FER: variants seen among roughly 807,000 people sequenced by gnomAD.
FER encodes the protein FER tyrosine kinase.
A neutral mutation model predicts 111.0 loss-of-function variants in FER; 63 were observed. That is an observed-to-expected ratio of 0.57 (90% CI 0.46 to 0.70). FER has a LOEUF of 0.70. FER is among the 30% of genes least tolerant of loss of function. The probability of loss-of-function intolerance (pLI) is 0.00; values close to 1 mark genes in which losing one functional copy is unlikely to be tolerated. For missense variants in FER, 914 were observed against 954.0 expected (o/e 0.96, Z 0.55); for synonymous variants, 327 against 313.9 (o/e 1.04, Z -0.44).
At position 109,095,914 on chromosome 5, in the gene FER, T is replaced by C. The variant is rs547641434; in HGVS notation, c.1925-4482T>C. 2.0e-5 allele frequency among the ~76,000 whole-genome samples: 3 copies of C among 152,198 alleles called. 1 individual carries two copies. The South Asian group carries it at 6.2e-4, about 32-fold the overall frequency. On this transcript the variant is annotated intron_variant, in intron 16 of 19. Coordinates refer to ENST00000281092, the MANE Select transcript of FER (RefSeq NM_005246.4). ...TCCTAAAAACAAGGGTAATTAATTA[T>C]ACATTTTATACATCACTGGGAAACT... is the stretch of plus-strand genomic sequence containing the variant.
At chr5:108,964,956 C>A (rs58647764) in intron 13 of FER, among the ~76,000 whole-genome samples, 19,392 of 151,734 alleles carry the variant, frequency 0.13, 1,710 homozygotes, top group African/African-American at 0.25. Flanking sequence ...GTGTGTCGAA[C>A]ATTTGAAAAG....
At chr5:109,159,073 CTT>C (rs2126728792) in intron 17 of FER, among the ~76,000 whole-genome samples, 1 of 152,158 alleles carries the variant, frequency 6.6e-6, no homozygotes, top group African/African-American at 2.4e-5. Flanking sequence ...GCTGAGCAAA[CTT>C]TAGGCATATT....
chr5:108,947,460 G>A (rs927303524), intron 11 of FER, among the ~76,000 whole-genome samples: 3 of 151,936 alleles, frequency 2.0e-5, no homozygotes, highest in Non-Finnish European at 4.4e-5. Flanking sequence ...ATGATGTTGA[G>A]CATTTTTTCA....
intron 17 of FER, among the ~76,000 whole-genome samples, chr5:109,123,041 T>C (rs1486609082): frequency 1.3e-5 from 2 of 152,150 alleles, no homozygotes; most frequent in African/African-American, 2.4e-5. Context: ...TACGTTTTGA[T>C]TGGAGAGTTT....
At chr5:109,052,127 C>T in intron 16 of FER, 1 of 1,604,878 alleles carries the variant, frequency 6.2e-7, no homozygotes, top group South Asian at 1.1e-5. Flanking sequence ...TTGAGTTCCT[C>T]CTCTTTCTTG....
At chr5:108,941,009 G>T (rs1756187666) in intron 10 of FER, among the ~76,000 whole-genome samples, 2 of 152,034 alleles carry the variant, frequency 1.3e-5, no homozygotes, top group Non-Finnish European at 2.9e-5. Context: ...GTCTTCTTAG[G>T]TACATAAAGT....
rs560318058 is a variant in FER at position 108,912,996 on chromosome 5, A to G, written c.1236+15148A>G. Among the ~76,000 whole-genome samples the G allele has an allele frequency of 1.3e-4, 20 of 152,298 alleles. No individual in the cohort carries two copies. In the East Asian group the frequency reaches 3.1e-3, roughly 24 times the overall value. ...GGAACTTTGAGGCCTTGGGTATAAG[A>G]ATCATTTATGATATTGTTGGGGGTT... On this transcript the variant is annotated intron_variant, in intron 10 of 19. Transcript: ENST00000281092.
chr5:109,125,053 A>T (rs1482740063), intron 17 of FER, among the ~76,000 whole-genome samples: 2 of 151,568 alleles, frequency 1.3e-5, no homozygotes, highest in African/African-American at 4.8e-5. Context: ...CTCAAAAAAA[A>T]AAAAAAAAAA....
intron 2 of FER, among the ~76,000 whole-genome samples, chr5:108,772,910 A>G (rs1753081229): frequency 6.6e-6 from 1 of 152,236 alleles, no homozygotes; most frequent in Non-Finnish European, 1.5e-5. Context: ...CTTTCAAGTC[A>G]GAAGTAGATT....
intron 2 of FER, among the ~76,000 whole-genome samples, chr5:108,796,435 G>T (rs56932426): frequency 0.021 from 3,270 of 152,318 alleles, 115 homozygotes; most frequent in African/African-American, 0.075. Context: ...GGTGAAGCCA[G>T]CGAAGCTTGT....
chr5:109,008,525 C>G (rs1203092535), intron 13 of FER, among the ~76,000 whole-genome samples: 1 of 152,158 alleles, frequency 6.6e-6, no homozygotes, highest in Non-Finnish European at 1.5e-5. Context: ...CTCACCTCAC[C>G]CAGGTCTTTG....
intron 3 of FER, among the ~76,000 whole-genome samples, chr5:108,810,663 G>C (rs930007277): frequency 6.6e-6 from 1 of 152,194 alleles, no homozygotes; most frequent in Non-Finnish European, 1.5e-5. Flanking sequence ...GGAATGGTGG[G>C]GCAGGTCAGG....
intron 17 of FER, among the ~76,000 whole-genome samples, chr5:109,161,631 C>T (rs1394957257): frequency 1.3e-5 from 2 of 152,072 alleles, no homozygotes; most frequent in Non-Finnish European, 2.9e-5. Context: ...TTTCTTTATC[C>T]AGTCTACCAT....
intron 13 of FER, among the ~76,000 whole-genome samples, chr5:108,998,398 G>T (rs915028256): frequency 6.6e-6 from 1 of 152,062 alleles, no homozygotes; most frequent in Non-Finnish European, 1.5e-5. Context: ...GGCCAGGGGA[G>T]GGAAATTCGC....
chr5:109,164,102 G>A (rs927630336), intron 17 of FER, among the ~76,000 whole-genome samples: 1 of 152,140 alleles, frequency 6.6e-6, no homozygotes, highest in Non-Finnish European at 1.5e-5. Flanking sequence ...GAAAGTCCTA[G>A]TGGATTGGCT....
chr5:109,030,180 TTC>T (rs1456809548), intron 13 of FER, among the ~76,000 whole-genome samples: 3 of 152,212 alleles, frequency 2.0e-5, no homozygotes, highest in Non-Finnish European at 2.9e-5. Context: ...TTTTAATAAC[TTC>T]TGTTTCTATG....
chr5:108,929,075 C>A (rs2149575263), intron 10 of FER, among the ~76,000 whole-genome samples: 1 of 151,836 alleles, frequency 6.6e-6, no homozygotes, highest in Non-Finnish European at 1.5e-5. Context: ...TGTAAATAAC[C>A]CTGAGGGGAC....
chr5:108,797,401 C>T (rs1274871380), intron 2 of FER, among the ~76,000 whole-genome samples: 2 of 152,138 alleles, frequency 1.3e-5, no homozygotes, highest in African/African-American at 4.8e-5. Flanking sequence ...TGCTGAAACT[C>T]AAGTTCTGAC....
At chr5:109,123,008 T>A (rs889265559) in intron 17 of FER, among the ~76,000 whole-genome samples, 3 of 152,156 alleles carry the variant, frequency 2.0e-5, no homozygotes, top group Non-Finnish European at 4.4e-5. Context: ...GTCTTTTTTT[T>A]ATTAATCCAT....
Sources: gnomAD v4.1 joint callset for allele counts (sites outside exome capture counted in the v4.1 genomes callset) on GRCh38, gnomAD v4.1.1 for gene constraint, MANE v1.5 for transcripts, NCBI Gene and HGNC (gene_info 2026-07-23, HGNC 2026-07-21) for gene names.